FIP1L1: variants seen among roughly 807,000 people sequenced by gnomAD.
FIP1L1 encodes the protein factor interacting with PAPOLA and CPSF1, also known as pre-mRNA 3'-end-processing factor FIP1.
In FIP1L1, 21 loss-of-function variants were observed where a neutral mutation model predicts 84.6. The observed-to-expected ratio is 0.25, with a 90% CI of 0.18 to 0.36. The LOEUF is 0.36. FIP1L1 is among the 10% of genes least tolerant of loss of function. The pLI is 1.00. For synonymous variants in FIP1L1, 263 were observed against 242.3 expected (o/e 1.09, Z -0.80); for missense variants, 526 against 751.1 (o/e 0.70, Z 3.50).
At chr4:53,421,190 G>A (rs1403776171) in intron 11 of FIP1L1, among the ~76,000 whole-genome samples, 1 of 152,172 alleles carries the variant, frequency 6.6e-6, no homozygotes, top group African/African-American at 2.4e-5. Context: ...AATGATAGAT[G>A]TAGTTACAAT....
chr4:53,388,703 T>C (rs12649258), intron 5 of FIP1L1, among the ~76,000 whole-genome samples: 19,787 of 152,238 alleles, frequency 0.13, 2,568 homozygotes, highest in African/African-American at 0.32. Flanking sequence ...TCTTCTAACT[T>C]CCCTAGTAAC....
In FIP1L1 at chr4:53,460,655, T is replaced by TGAA; in HGVS notation, c.*1207_*1209dup. Reference sequence around the variant, plus strand: ...TTTTAGTTGTTTTAGGGCTTTTTATTGAATAGAAAAAATATAAACAATGTT... The same window carrying TGAA: ...TTTTAGTTGTTTTAGGGCTTTTTATTGAAGAATAGAAAAAATATAAACAATGTT... On this transcript the variant is annotated 3_prime_UTR_variant, in exon 18 of 18. Transcript: ENST00000337488. 1 of 374,914 alleles carries TGAA rather than the reference T, an allele frequency of 2.7e-6. No homozygotes were observed. The highest frequency in any genetic ancestry group is 4.9e-5 in the East Asian group (1 of 20,464). The allele number at this position is 374,914 out of a possible 1,614,324, so 23.2% of individuals were successfully genotyped here. A position where few individuals can be genotyped will look rare whatever the true frequency, so the allele number is the denominator to read the frequency against.
rs1553926936 is a variant in FIP1L1 at position 53,459,297 on chromosome 4, T to TTTC, written c.1638-5_1638-4insTTC. On this transcript the variant is annotated splice_region_variant and splice_polypyrimidine_tract_variant and intron_variant, in intron 17 of 17. Coordinates refer to ENST00000337488, the MANE Select transcript of FIP1L1 (RefSeq NM_030917.4). ...CACACCTTTTTTTTTTTTTTTTTTT[T>TTTC]CCAGTAATAGTAGACGTCGCCATGA... is the stretch of plus-strand genomic sequence containing the variant. 17 of 1,479,448 alleles carry TTTC rather than the reference T, an allele frequency of 1.1e-5. 1 individual carries two copies. The highest frequency in any genetic ancestry group is 7.2e-5 in the East Asian group (3 of 41,450). The allele number at this position is 1,479,448 out of a possible 1,614,324, so 91.6% of individuals were successfully genotyped here.
At chr4:53,415,883 C>T (rs1193591218) in intron 11 of FIP1L1, among the ~76,000 whole-genome samples, 1 of 152,102 alleles carries the variant, frequency 6.6e-6, no homozygotes, top group Non-Finnish European at 1.5e-5. Flanking sequence ...TAGCTGCATT[C>T]TTAGAGTAGT....
chr4:53,420,217 A>AAAAC (rs1560540825), intron 11 of FIP1L1, among the ~76,000 whole-genome samples: 1 of 146,334 alleles, frequency 6.8e-6, no homozygotes, highest in Non-Finnish European at 1.5e-5. Context: ...AAAAAAAAAA[A>AAAAC]AAAAAAAACC....
intron 13 of FIP1L1, among the ~76,000 whole-genome samples, chr4:53,438,724 C>T (rs1005486720): frequency 3.9e-5 from 6 of 152,146 alleles, no homozygotes; most frequent in Non-Finnish European, 8.8e-5. Context: ...ATTTTAACTA[C>T]CTTTGTAATG....
intron 1 of FIP1L1, chr4:53,378,594 C>G (rs188201875): frequency 7.1e-5 from 11 of 155,744 alleles, no homozygotes; most frequent in African/African-American, 2.7e-4. Flanking sequence ...CATGACCCTT[C>G]GGCTTATAGT....
chr4:53,427,606 GC>G (rs1283313694), intron 12 of FIP1L1, among the ~76,000 whole-genome samples: 1 of 152,136 alleles, frequency 6.6e-6, no homozygotes, highest in Non-Finnish European at 1.5e-5. Flanking sequence ...CTGACCTGCT[GC>G]CATGTTAATT....
intron 13 of FIP1L1, among the ~76,000 whole-genome samples, chr4:53,438,198 A>G (rs1359167273): frequency 1.3e-5 from 2 of 152,210 alleles, no homozygotes; most frequent in Non-Finnish European, 1.5e-5. Flanking sequence ...ATAGAAAAGA[A>G]ACAAAATACT....
At chr4:53,405,790 C>G (rs1341254278) in intron 10 of FIP1L1, among the ~76,000 whole-genome samples, 30 of 150,512 alleles carry the variant, frequency 2.0e-4, no homozygotes, top group South Asian at 2.1e-4. Flanking sequence ...GGAGTTCACT[C>G]ATGATTTGGC....
At chr4:53,409,296 G>C (rs1388965108) in intron 10 of FIP1L1, among the ~76,000 whole-genome samples, 1 of 152,204 alleles carries the variant, frequency 6.6e-6, no homozygotes, top group Admixed American at 6.5e-5. Context: ...AGCAGCGGTG[G>C]CTGCAGAACA....
At chr4:53,410,330 G>A (rs12504531) in intron 10 of FIP1L1, among the ~76,000 whole-genome samples, 16,790 of 152,220 alleles carry the variant, frequency 0.11, 1,070 homozygotes, top group East Asian at 0.16. Flanking sequence ...TAGAATGGTC[G>A]TTGAGTTCTT....
chr4:53,445,809 A>C (rs1773945898), intron 15 of FIP1L1, among the ~76,000 whole-genome samples: 1 of 152,058 alleles, frequency 6.6e-6, no homozygotes, highest in Non-Finnish European at 1.5e-5. Flanking sequence ...CAAATTAGGG[A>C]GGGCGGGAAG....
At chr4:53,440,731 C>T in intron 13 of FIP1L1, 3 of 722,988 alleles carry the variant, frequency 4.1e-6, no homozygotes, top group East Asian at 2.8e-5. Flanking sequence ...ATTTCAAGGT[C>T]CTATTTTCAG....
intron 3 of FIP1L1, among the ~76,000 whole-genome samples, chr4:53,381,154 A>G (rs1737658885): frequency 6.6e-6 from 1 of 152,204 alleles, no homozygotes; most frequent in African/African-American, 2.4e-5. Flanking sequence ...AAAGCTTAAA[A>G]TTTTATCATG....
Position 53,460,823 on chromosome 4 carries a change from A to G in FIP1L1, c.*1374A>G. 1 of 1,293,950 alleles carries G rather than the reference A, an allele frequency of 7.7e-7. No individual in the cohort carries two copies. The highest frequency in any genetic ancestry group is 1.9e-4 in the Middle Eastern group (1 of 5,296). 80.2% of individuals were successfully genotyped at this position (1,293,950 alleles called of 1,614,324 possible). On this transcript the variant is annotated 3_prime_UTR_variant, in exon 18 of 18. Coordinates refer to ENST00000337488, the MANE Select transcript of FIP1L1 (RefSeq NM_030917.4). ...TTTACAATGTATTCTTTCTTTAAAT[A>G]TAAAAACTGACAAGATAAATATAGT...
At chr4:53,431,840 T>G (rs1010165595) in intron 13 of FIP1L1, among the ~76,000 whole-genome samples, 1 of 152,160 alleles carries the variant, frequency 6.6e-6, no homozygotes, top group Non-Finnish European at 1.5e-5. Context: ...TAGAGATAAC[T>G]CTCATTTGAA....
At chr4:53,427,915 G>A (rs1765001369) in intron 12 of FIP1L1, 112 bp from the exon 13 acceptor site, 2 of 900,476 alleles carry the variant, frequency 2.2e-6, no homozygotes, top group Non-Finnish European at 3.3e-6. Flanking sequence ...ATACATATAT[G>A]TGAATTAAAC....
At chr4:53,417,755 ACACACACACTCTCTCTCTCTCTCT>A (rs1560536865) in intron 11 of FIP1L1, among the ~76,000 whole-genome samples, 2 of 37,896 alleles carry the variant, frequency 5.3e-5, no homozygotes, top group Non-Finnish European at 1.1e-4. Context: ...ACACACACAC[ACACACACACTCTCTCTCTCTCTCT>A]CTCTCTCTCT....
Sources: gnomAD v4.1 joint callset for allele counts (sites outside exome capture counted in the v4.1 genomes callset) on GRCh38, gnomAD v4.1.1 for gene constraint, MANE v1.5 for transcripts, NCBI Gene and HGNC (gene_info 2026-07-23, HGNC 2026-07-21) for gene names.